The following UNC13C variants were observed in gnomAD, a reference collection of about 807,000 sequenced individuals.
UNC13C encodes the protein protein unc-13 homolog C.
Under a neutral mutation model 245.4 loss-of-function variants are expected in UNC13C, and 174 were observed. That is an observed-to-expected ratio of 0.71 (90% CI 0.63 to 0.80). The LOEUF (loss-of-function observed/expected upper bound fraction) is 0.80, where lower values mean the gene tolerates loss of function less well. Ranked by LOEUF, UNC13C falls within the 30% of genes least tolerant of loss-of-function variation. The probability of loss-of-function intolerance (pLI) is 0.00; values close to 1 mark genes in which losing one functional copy is unlikely to be tolerated. For missense variants in UNC13C, 2,829 were observed against 2,602.9 expected (o/e 1.09, Z -1.89); for synonymous variants, 992 against 895.1 (o/e 1.11, Z -1.93).
At chr15:54,494,547 G>C in intron 19 of UNC13C, 61 bp from the exon 20 acceptor site, 4 of 1,408,706 alleles carry the variant, frequency 2.8e-6, no homozygotes, top group Non-Finnish European at 3.8e-6. Flanking sequence ...AAATAGATTG[G>C]AACATAGCAG....
the UNC13C span, among the ~76,000 whole-genome samples, chr15:53,859,460 T>C: frequency 6.6e-6 from 1 of 152,262 alleles, no homozygotes; most frequent in South Asian, 2.1e-4. Flanking sequence ...TTATTCCCAC[T>C]GAAAACATTA....
chr15:54,100,871 C>A lies in UNC13C; in HGVS notation c.2984-42147C>A, dbSNP rs192053699. Among the ~76,000 whole-genome samples the A allele has an allele frequency of 2.2e-3, 341 of 152,058 alleles. 4 individuals carry two copies. The highest frequency in any genetic ancestry group is 3.4e-4 in the Non-Finnish European group (23 of 68,010). On this transcript the variant is annotated intron_variant, in intron 2 of 32. Coordinates refer to ENST00000260323, the MANE Select transcript of UNC13C (RefSeq NM_001080534.3). ...CTTCATTCTTGCTCACTCCTCTTCT[C>A]ACTCCCCAGCCCATTTTCACAAGCA...
At chr15:54,139,172 C>T (rs982791862) in intron 2 of UNC13C, among the ~76,000 whole-genome samples, 2 of 151,524 alleles carry the variant, frequency 1.3e-5, no homozygotes, top group African/African-American at 2.4e-5. Context: ...GTCAGCCAGG[C>T]TGGTCTCAGA....
chr15:54,241,607 C>T (rs2035853220), intron 7 of UNC13C, among the ~76,000 whole-genome samples: 2 of 152,190 alleles, frequency 1.3e-5, no homozygotes, highest in African/African-American at 4.8e-5. Context: ...GATAACTTTG[C>T]TTCATCAATA....
At chr15:54,504,044 T>A (rs2141104607) in intron 22 of UNC13C, among the ~76,000 whole-genome samples, 1 of 152,262 alleles carries the variant, frequency 6.6e-6, no homozygotes, top group South Asian at 2.1e-4. Flanking sequence ...AAATTTCATA[T>A]CAAGAACATT....
At chr15:54,510,439 A>G (rs1478745825) in intron 23 of UNC13C, among the ~76,000 whole-genome samples, 1 of 151,556 alleles carries the variant, frequency 6.6e-6, no homozygotes, top group Non-Finnish European at 1.5e-5. Context: ...AGTAGTTCTC[A>G]CTTATGGCTA....
At chr15:54,582,880 T>C (rs1234047612) in intron 30 of UNC13C, among the ~76,000 whole-genome samples, 2 of 152,206 alleles carry the variant, frequency 1.3e-5, no homozygotes, top group Non-Finnish European at 2.9e-5. Context: ...ATAAGTAATA[T>C]AAATGTTGGC....
intron 17 of UNC13C, among the ~76,000 whole-genome samples, chr15:54,343,415 G>A (rs1329652581): frequency 6.6e-6 from 1 of 151,866 alleles, no homozygotes; most frequent in Admixed American, 6.6e-5. Flanking sequence ...TTACAGGCGT[G>A]AGCCACCGCG....
intron 26 of UNC13C, among the ~76,000 whole-genome samples, chr15:54,534,101 G>GT (rs1895883785): frequency 6.6e-6 from 1 of 152,152 alleles, no homozygotes; most frequent in Admixed American, 6.5e-5. Flanking sequence ...ACCAGCACAC[G>GT]TAAACACCAC....
intron 4 of UNC13C, among the ~76,000 whole-genome samples, chr15:54,156,162 A>G (rs953510693): frequency 2.0e-5 from 3 of 152,214 alleles, no homozygotes; most frequent in Non-Finnish European, 4.4e-5. Context: ...TTCATTAACT[A>G]GAGCAGAATC....
At chr15:54,085,955 T>C (rs1899216099) in intron 2 of UNC13C, among the ~76,000 whole-genome samples, 2 of 152,252 alleles carry the variant, frequency 1.3e-5, no homozygotes, top group South Asian at 4.1e-4. Flanking sequence ...AGTTGACATG[T>C]AATATACATA....
intron 8 of UNC13C, among the ~76,000 whole-genome samples, chr15:54,252,481 C>T (rs190698717): frequency 1.3e-5 from 2 of 152,124 alleles, no homozygotes; most frequent in East Asian, 3.9e-4. Flanking sequence ...TTTTATAAAT[C>T]CATTTTTACT....
At chr15:54,033,200 C>A (rs1896435751) in intron 2 of UNC13C, among the ~76,000 whole-genome samples, 1 of 151,992 alleles carries the variant, frequency 6.6e-6, no homozygotes, top group Admixed American at 6.6e-5. Flanking sequence ...AGACTTATCG[C>A]CTCAGAACCC....
At chr15:53,904,248 T>C in the UNC13C span, among the ~76,000 whole-genome samples, 4 of 152,216 alleles carry the variant, frequency 2.6e-5, no homozygotes, top group Non-Finnish European at 5.9e-5. Flanking sequence ...AAATAATTTC[T>C]TTAAGTAGCA....
At chr15:54,610,117 T>G (rs970499388) in intron 30 of UNC13C, among the ~76,000 whole-genome samples, 12 of 152,184 alleles carry the variant, frequency 7.9e-5, no homozygotes, top group Non-Finnish European at 1.3e-4. Context: ...TAGTTTTTTT[T>G]TAAATAGATC....
At chr15:54,152,667 G>A (rs1285532569) in intron 4 of UNC13C, among the ~76,000 whole-genome samples, 1 of 152,094 alleles carries the variant, frequency 6.6e-6, no homozygotes, top group Admixed American at 6.6e-5. Context: ...AAAATATCAT[G>A]TTACATTGAG....
At chr15:54,380,704 A>G (rs1457205478) in intron 17 of UNC13C, among the ~76,000 whole-genome samples, 1 of 152,170 alleles carries the variant, frequency 6.6e-6, no homozygotes, top group Non-Finnish European at 1.5e-5. Context: ...CATTTCCCTG[A>G]TAATAAATGA....
chr15:54,469,147 C>A (rs1412118772), intron 19 of UNC13C, among the ~76,000 whole-genome samples: 2 of 151,436 alleles, frequency 1.3e-5, no homozygotes, highest in Non-Finnish European at 3.0e-5. Flanking sequence ...AGATCTTTCA[C>A]CTCCTTAACT....
At chr15:54,075,197 C>A (rs979623520) in intron 2 of UNC13C, among the ~76,000 whole-genome samples, 5 of 152,034 alleles carry the variant, frequency 3.3e-5, no homozygotes, top group Non-Finnish European at 5.9e-5. Flanking sequence ...TCAAAAGTCA[C>A]ATCCAAGGCC....
Sources: allele counts gnomAD v4.1 joint callset (sites outside exome capture counted in the v4.1 genomes callset), GRCh38; gene constraint gnomAD v4.1.1; transcripts MANE v1.5; gene names NCBI Gene and HGNC (gene_info 2026-07-23, HGNC 2026-07-21).